Variants in APP observed in about 807,000 individuals in gnomAD.
APP encodes the protein amyloid beta precursor protein.
In APP, 31 loss-of-function variants were observed where a neutral mutation model predicts 101.4. The ratio of observed to expected loss-of-function variants is 0.31; its 90% CI spans 0.23 to 0.41. The LOEUF (loss-of-function observed/expected upper bound fraction) is 0.41. APP is among the 10% of genes least tolerant of loss of function. The pLI is 1.00. For synonymous variants in APP, 366 were observed against 364.4 expected, an observed-to-expected ratio of 1.00 and a Z score of -0.05; for missense variants, 839 against 1,003.7, an observed-to-expected ratio of 0.84 and a Z score of 2.22.
intron 2 of APP, among the ~76,000 whole-genome samples, chr21:26,110,606 C>T (rs2062294717): frequency 6.6e-6 from 1 of 152,032 alleles, no homozygotes; most frequent in Non-Finnish European, 1.5e-5. Context: ...CTTCTCAAAA[C>T]ACCAATTAGT....
intron 1 of APP, among the ~76,000 whole-genome samples, chr21:26,138,412 G>A (rs2062966535): frequency 6.6e-6 from 1 of 151,670 alleles, no homozygotes; most frequent in African/African-American, 2.4e-5. Context: ...CTTATAGAAT[G>A]TCATTCTCAA....
intron 11 of APP, among the ~76,000 whole-genome samples, chr21:25,961,852 A>G (rs1396828701): frequency 6.6e-6 from 1 of 152,234 alleles, no homozygotes; most frequent in Non-Finnish European, 1.5e-5. Flanking sequence ...CAGAAAAACA[A>G]AAGAATTCAG....
intron 7 of APP, among the ~76,000 whole-genome samples, chr21:25,998,555 T>A (rs1461177825): frequency 3.3e-5 from 5 of 152,084 alleles, no homozygotes. Context: ...GTATTAATGG[T>A]GCAGGCCCTT....
At chr21:26,166,875 A>AGAGAGAGT (rs1555886355) in intron 1 of APP, among the ~76,000 whole-genome samples, 3 of 131,420 alleles carry the variant, frequency 2.3e-5, no homozygotes, top group Non-Finnish European at 4.9e-5. Context: ...CTCAAGTGAG[A>AGAGAGAGT]GAGAGAGAGA....
At chr21:25,901,296 T>TA (rs58481426) in intron 15 of APP, among the ~76,000 whole-genome samples, 4 of 85,424 alleles carry the variant, frequency 4.7e-5, no homozygotes, top group Non-Finnish European at 8.2e-5. Flanking sequence ...AATCCTGTTT[T>TA]AAAAAAAAAA....
At chr21:25,964,236 C>A (rs1445002194) in intron 11 of APP, among the ~76,000 whole-genome samples, 3 of 152,180 alleles carry the variant, frequency 2.0e-5, no homozygotes, top group African/African-American at 7.2e-5. Context: ...CTCTCCTTCC[C>A]GTGGAAGCAG....
chr21:26,067,172 TTTA>T (rs2046488449), intron 3 of APP, among the ~76,000 whole-genome samples: 1 of 152,226 alleles, frequency 6.6e-6, no homozygotes, highest in African/African-American at 2.4e-5. Flanking sequence ...TAAAATTAAT[TTTA>T]TTAATATATT....
intron 5 of APP, among the ~76,000 whole-genome samples, chr21:26,046,343 G>A (rs977926793): frequency 8.6e-5 from 13 of 151,486 alleles, no homozygotes; most frequent in Non-Finnish European, 1.8e-4. Flanking sequence ...CCAGGAGGCA[G>A]AGGTTGCAGT....
At chr21:25,974,963 C>A in intron 11 of APP, 107 bp downstream of exon 11, 1 of 1,504,308 alleles carries the variant, frequency 6.6e-7, no homozygotes, top group South Asian at 1.2e-5. Context: ...TAACAGTGCT[C>A]AAGGCATTTC....
At chr21:26,079,750 TTTTTA>T (rs2146071624) in intron 3 of APP, among the ~76,000 whole-genome samples, 1 of 152,358 alleles carries the variant, frequency 6.6e-6, no homozygotes, top group Non-Finnish European at 1.5e-5. Context: ...TATACCTTAC[TTTTTA>T]TTTTTACTTC....
At chr21:26,139,394 T>C (rs2062992747) in intron 1 of APP, among the ~76,000 whole-genome samples, 1 of 152,188 alleles carries the variant, frequency 6.6e-6, no homozygotes, top group Non-Finnish European at 1.5e-5. Context: ...CAAAATGTGG[T>C]CCACAGATAA....
intron 13 of APP, chr21:25,945,379 A>ATTTTTTT (rs1213400314): frequency 2.1e-3 from 38 of 18,090 alleles, no homozygotes; most frequent in Admixed American, 3.8e-3. Flanking sequence ...TGCAATCCGC[A>ATTTTTTT]CTTTTTTTTT....
chr21:26,011,570 G>A (rs751206254), intron 6 of APP, among the ~76,000 whole-genome samples: 1 of 151,980 alleles, frequency 6.6e-6, no homozygotes, highest in Non-Finnish European at 1.5e-5. Flanking sequence ...ACAATCATCC[G>A]CAACAATTAT....
At chr21:26,106,312 G>A (rs1228433252) in intron 2 of APP, among the ~76,000 whole-genome samples, 1 of 152,080 alleles carries the variant, frequency 6.6e-6, no homozygotes, top group Non-Finnish European at 1.5e-5. Flanking sequence ...AAGAAATTGG[G>A]TAAGCATCCC....
At chr21:26,120,312 C>A (rs1382820987) in intron 1 of APP, among the ~76,000 whole-genome samples, 1 of 152,098 alleles carries the variant, frequency 6.6e-6, no homozygotes, top group East Asian at 1.9e-4. Context: ...CAGGCCCATA[C>A]CACCATACCT....
At chr21:25,961,028 A>G (rs2041556938) in intron 11 of APP, among the ~76,000 whole-genome samples, 1 of 152,208 alleles carries the variant, frequency 6.6e-6, no homozygotes, top group African/African-American at 2.4e-5. Flanking sequence ...CAGGTGTAAA[A>G]AGAAAATAAT....
chr21:26,017,409 C>CAAA (rs373376674), intron 6 of APP, among the ~76,000 whole-genome samples: 1,268 of 111,058 alleles, frequency 0.011, 34 homozygotes, highest in African/African-American at 0.042. Flanking sequence ...AATCCCGTGT[C>CAAA]AAAAAAAAAA....
At chr21:25,991,337 A>T (rs1013551692) in intron 8 of APP, among the ~76,000 whole-genome samples, 3 of 152,192 alleles carry the variant, frequency 2.0e-5, no homozygotes, top group African/African-American at 4.8e-5. Flanking sequence ...ATAAAAATAA[A>T]AAAACCTGCT....
chr21:26,066,923 G>A (rs1378926485), intron 3 of APP, among the ~76,000 whole-genome samples: 2 of 152,218 alleles, frequency 1.3e-5, no homozygotes, highest in Admixed American at 1.3e-4. Flanking sequence ...CACATAGGGT[G>A]AGAGACAAGA....
Sources: gnomAD v4.1 joint callset for allele counts (sites outside exome capture counted in the v4.1 genomes callset) on GRCh38, gnomAD v4.1.1 for gene constraint, MANE v1.5 for transcripts, NCBI Gene and HGNC (gene_info 2026-07-23, HGNC 2026-07-21) for gene names.